Variants in LSM8 observed in about 807,000 individuals in gnomAD.
The protein encoded by LSM8 is LSM8 U6 small nuclear RNA associated.
Under a neutral mutation model 15.0 loss-of-function variants are expected in LSM8, and 14 were observed. That is an observed-to-expected ratio of 0.93 (90% CI 0.62 to 1.46). The LOEUF (loss-of-function observed/expected upper bound fraction) is 1.46. Among genes scored for constraint, LSM8 ranks in the 40% most tolerant of loss-of-function variants. The pLI is 0.00. For synonymous variants in LSM8, 50 were observed against 42.1 expected (o/e 1.19, Z -0.73); for missense variants, 90 against 115.4 (o/e 0.78, Z 1.01).
Position 118,199,040 on chromosome 7 carries a change from C to T in LSM8, c.*7038C>T, listed in dbSNP as rs554835066. On this transcript the variant is annotated 3_prime_UTR_variant, in exon 4 of 4. Transcript: ENST00000249299. ...GTAAACACCGTTGCTGAACTAGGTGCTGTCTGTGCAGCTCCACTGGGAGAG... is the reference window on the plus strand; with the variant it reads ...GTAAACACCGTTGCTGAACTAGGTGTTGTCTGTGCAGCTCCACTGGGAGAG... Among the ~76,000 whole-genome samples, 2 of 152,312 alleles carry T rather than the reference C, an allele frequency of 1.3e-5. No homozygotes were observed. The highest frequency in any genetic ancestry group is 4.1e-4 in the South Asian group (2 of 4,826).
In LSM8 at chr7:118,201,266, G is replaced by T. The variant is rs1809169347; in HGVS notation, c.*9264G>T. 6.6e-6 allele frequency among the ~76,000 whole-genome samples: 1 copy of T among 151,926 alleles called. No homozygotes were observed. On this transcript the variant is annotated 3_prime_UTR_variant, in exon 4 of 4. Transcript: ENST00000249299. The stretch of plus-strand genomic sequence containing the variant: ...GAATTTCCTTTATATTAAAGAAGAG[G>T]AGAAAATCTTAATACTAAGTATGTG...
rs1223632236 is a variant in LSM8 at position 118,199,175 on chromosome 7, G to C, written c.*7173G>C. ...ACTATAATCTGCAACTGGGAGCATA[G>C]CAGCTTTTCTGAGTCCTATGATTCC... On this transcript the variant is annotated 3_prime_UTR_variant, in exon 4 of 4. Transcript: ENST00000249299. Among the ~76,000 whole-genome samples, 1 of 152,068 alleles carries C rather than the reference G, an allele frequency of 6.6e-6. No individual in the cohort carries two copies. Among genetic ancestry groups the C allele is most frequent in the South Asian group, 2.1e-4 (1 of 4,820 alleles).
rs1479701269 is a variant in LSM8 at position 118,191,904 on chromosome 7, T to C, written c.201-8T>C. On this transcript the variant is annotated splice_polypyrimidine_tract_variant and splice_region_variant and intron_variant, in intron 3 of 3. Transcript: ENST00000249299. ...GAAATGTGATTGTTTTAACTCTGAC[T>C]TTTTTAGTGCAGTCATTGGAGAAAT... 2 of 1,601,064 alleles carry C rather than the reference T, an allele frequency of 1.2e-6. No individual in the cohort carries two copies. Among genetic ancestry groups the C allele is most frequent in the Non-Finnish European group, 1.7e-6 (2 of 1,171,120 alleles).
rs200053888 is a variant in LSM8, at chr7:118,196,700, T to TTTTA, written c.*4742_*4745dup. ...TTTCTTTTTTTTTAAGTCCTTTAATTTTTATTTATTTATTTATTTATTTAT... is the reference window on the plus strand; with the variant it reads ...TTTCTTTTTTTTTAAGTCCTTTAATTTTTATTTATTTATTTATTTATTTATTTAT... On this transcript the variant is annotated 3_prime_UTR_variant, in exon 4 of 4. Transcript: ENST00000249299. Among the ~76,000 whole-genome samples the TTTTA allele has an allele frequency of 0.14, 18,726 of 129,512 alleles. 1,350 individuals carry two copies. Among genetic ancestry groups the TTTTA allele is most frequent in the Admixed American group, 0.18 (2,325 of 12,718 alleles). The allele number at this position is 129,512 out of a possible 152,430, so 85.0% of individuals were successfully genotyped here.
chr7:118,190,790 A>T (rs936068915), intron 3 of LSM8: 4 of 152,092 alleles, frequency 2.6e-5, no homozygotes, highest in Non-Finnish European at 5.9e-5. Flanking sequence ...AATTTGGCAA[A>T]TCCCTTATTA....
rs1809106879 is a variant in LSM8, at chr7:118,197,808, G to T, written c.*5806G>T. The stretch of plus-strand genomic sequence containing the variant: ...CAGACTCTGGAGTCATACTTAGTTT[G>T]CAGAGCTTAGCATATTAATCTTACC... On this transcript the variant is annotated 3_prime_UTR_variant, in exon 4 of 4. Coordinates refer to ENST00000249299, the MANE Select transcript of LSM8 (RefSeq NM_016200.5). 1.3e-5 allele frequency among the ~76,000 whole-genome samples: 2 copies of T among 152,150 alleles called. No individual in the cohort carries two copies. The highest frequency in any genetic ancestry group is 2.1e-4 in the South Asian group (1 of 4,832).
Position 118,202,614 on chromosome 7 carries a change from C to A in LSM8, c.*10612C>A, listed in dbSNP as rs1399448610. Reference sequence around the variant, plus strand: ...ACTGCTTGAATGCCATTGGCCAGATCTTTGTCATATGGTTACCCTAACTAC... The same window carrying A: ...ACTGCTTGAATGCCATTGGCCAGATATTTGTCATATGGTTACCCTAACTAC... On this transcript the variant is annotated 3_prime_UTR_variant, in exon 4 of 4. Coordinates refer to ENST00000249299, the MANE Select transcript of LSM8 (RefSeq NM_016200.5). 2.6e-5 allele frequency among the ~76,000 whole-genome samples: 4 copies of A among 151,906 alleles called. No individual in the cohort carries two copies. The highest frequency in any genetic ancestry group is 9.7e-5 in the African/African-American group (4 of 41,380).
intron 3 of LSM8, 98 bp downstream of exon 3, chr7:118,188,503 G>A: frequency 9.2e-7 from 1 of 1,084,072 alleles, no homozygotes; most frequent in Non-Finnish European, 1.3e-6. Flanking sequence ...TCCATACATA[G>A]TTAATAGAAT....
rs755927823 is a variant in LSM8 at position 118,191,959 on chromosome 7, TGGGG to T, written c.249_252del (p.Gly84IlefsTer7). 1 of 1,613,274 alleles carries T rather than the reference TGGGG, an allele frequency of 6.2e-7. No homozygotes were observed. Among genetic ancestry groups the T allele is most frequent in the Non-Finnish European group, 8.5e-7 (1 of 1,179,552 alleles). ...GAAGAAACAGATTCTGCGCTTGATT[TGGGG>T]AATATTCGAGCAGAACCTTTAAATT... On this transcript the variant is annotated frameshift_variant, in exon 4 of 4. Coordinates refer to ENST00000249299, the MANE Select transcript of LSM8 (RefSeq NM_016200.5). LOFTEE classifies it high-confidence loss of function.
chr7:118,202,605 T>TG lies in LSM8; in HGVS notation c.*10605dup, dbSNP rs1809188482. On this transcript the variant is annotated 3_prime_UTR_variant, in exon 4 of 4. Transcript: ENST00000249299. ...GCAAAATATACTGCTTGAATGCCAT[T>TG]GGCCAGATCTTTGTCATATGGTTAC... 6.6e-6 allele frequency among the ~76,000 whole-genome samples: 1 copy of TG among 151,984 alleles called. No homozygotes were observed. Among genetic ancestry groups the TG allele is most frequent in the Admixed American group, 6.6e-5 (1 of 15,220 alleles).
Position 118,197,123 on chromosome 7 carries a change from G to C in LSM8, c.*5121G>C, listed in dbSNP as rs1809093065. Among the ~76,000 whole-genome samples, 1 of 151,780 alleles carries C rather than the reference G, an allele frequency of 6.6e-6. No homozygotes were observed. The highest frequency in any genetic ancestry group is 1.5e-5 in the Non-Finnish European group (1 of 67,964). On this transcript the variant is annotated 3_prime_UTR_variant, in exon 4 of 4. Transcript: ENST00000249299. ...AAATTCCCATCAATGTCCCTACAAG[G>C]ATATGATACGCTTTCTCTCTTCTCT... is the stretch of plus-strand genomic sequence containing the variant.
In LSM8 at chr7:118,195,317, T is replaced by C. The variant is rs1024982492; in HGVS notation, c.*3315T>C. Among the ~76,000 whole-genome samples the C allele has an allele frequency of 3.9e-5, 6 of 152,196 alleles. No homozygotes were observed. Among genetic ancestry groups the C allele is most frequent in the African/African-American group, 7.2e-5 (3 of 41,446 alleles). ...AGGATCTTATTCAAGATAAGGATAA[T>C]AACAGCTATCTTCTTGGGTTGTAAA... On this transcript the variant is annotated 3_prime_UTR_variant, in exon 4 of 4. Transcript: ENST00000249299.
chr7:118,192,023 C>T lies in LSM8; in HGVS notation c.*21C>T. The T allele has an allele frequency of 6.5e-7, 1 of 1,548,366 alleles. No individual in the cohort carries two copies. The highest frequency in any genetic ancestry group is 1.7e-5 in the Admixed American group (1 of 58,524). On this transcript the variant is annotated 3_prime_UTR_variant, in exon 4 of 4. Transcript: ENST00000249299. The stretch of plus-strand genomic sequence containing the variant: ...ACTGAGGAAAAACTACATACTTGGA[C>T]ATCTGTAAATCTTTGTACAGAAACT...
In LSM8 at chr7:118,192,237, G is replaced by T. The variant is rs1808995363; in HGVS notation, c.*235G>T. The T allele has an allele frequency of 1.5e-5, 5 of 328,748 alleles. No homozygotes were observed. The highest frequency in any genetic ancestry group is 2.2e-5 in the Non-Finnish European group (4 of 181,886). 20.4% of individuals were successfully genotyped at this position (328,748 alleles called of 1,614,324 possible). On this transcript the variant is annotated 3_prime_UTR_variant, in exon 4 of 4. Transcript: ENST00000249299. Reference sequence around the variant, plus strand: ...TTATTAAATAGTGTGAAAATATAATGGGCATTTTGAAAACTTTTAGAAAAA... The same window carrying T: ...TTATTAAATAGTGTGAAAATATAATTGGCATTTTGAAAACTTTTAGAAAAA...
intron 1 of LSM8, 64 bp from the exon 2 acceptor site, chr7:118,185,590 C>T: frequency 7.3e-7 from 1 of 1,378,502 alleles, no homozygotes; most frequent in Non-Finnish European, 1.0e-6. Flanking sequence ...CAAATCATTC[C>T]CTTGCCAGAG....
chr7:118,189,356 C>T (rs1808938588), intron 3 of LSM8: 1 of 151,818 alleles, frequency 6.6e-6, no homozygotes, highest in South Asian at 2.1e-4. Context: ...AGTTCGAGAC[C>T]AACTTGGCCA....
rs1322213871 is a variant in LSM8, at chr7:118,199,455, A to G, written c.*7453A>G. ...TGGAGGCAAATTGTTTCAAGTTAGG[A>G]AGCTATTGCAGTAATTAAACTGAGC... On this transcript the variant is annotated 3_prime_UTR_variant, in exon 4 of 4. Transcript: ENST00000249299. Among the ~76,000 whole-genome samples the G allele has an allele frequency of 6.6e-6, 1 of 152,152 alleles. No homozygotes were observed. Among genetic ancestry groups the G allele is most frequent in the African/African-American group, 2.4e-5 (1 of 41,460 alleles).
In LSM8 at chr7:118,198,127, T is replaced by C. The variant is rs1419635252; in HGVS notation, c.*6125T>C. Reference sequence around the variant, plus strand: ...CTTCCCTGGTGCAAAGGTAATGTGATGTTTTTAATCACATATTTTAAAATT... The same window carrying C: ...CTTCCCTGGTGCAAAGGTAATGTGACGTTTTTAATCACATATTTTAAAATT... On this transcript the variant is annotated 3_prime_UTR_variant, in exon 4 of 4. Coordinates refer to ENST00000249299, the MANE Select transcript of LSM8 (RefSeq NM_016200.5). 6.6e-6 allele frequency among the ~76,000 whole-genome samples: 1 copy of C among 152,206 alleles called. No homozygotes were observed. Among genetic ancestry groups the C allele is most frequent in the African/African-American group, 2.4e-5 (1 of 41,456 alleles).
Position 118,192,208 on chromosome 7 carries a change from T to C in LSM8, c.*206T>C. On this transcript the variant is annotated 3_prime_UTR_variant, in exon 4 of 4. Coordinates refer to ENST00000249299, the MANE Select transcript of LSM8 (RefSeq NM_016200.5). Reference sequence around the variant, plus strand: ...TATAAGTTTGGTAGCTTGGTTTCTTTTTTTTATTAAATAGTGTGAAAATAT... The same window carrying C: ...TATAAGTTTGGTAGCTTGGTTTCTTCTTTTTATTAAATAGTGTGAAAATAT... 1 of 374,918 alleles carries C rather than the reference T, an allele frequency of 2.7e-6. No homozygotes were observed. The highest frequency in any genetic ancestry group is 4.7e-6 in the Non-Finnish European group (1 of 211,144). The allele number at this position is 374,918 out of a possible 1,614,324, so 23.2% of individuals were successfully genotyped here.
Sources: gnomAD v4.1 joint callset for allele counts (sites outside exome capture counted in the v4.1 genomes callset) on GRCh38, gnomAD v4.1.1 for gene constraint, MANE v1.5 for transcripts, NCBI Gene and HGNC (gene_info 2026-07-23, HGNC 2026-07-21) for gene names.